PTPRT: variants seen among roughly 807,000 people sequenced by gnomAD.
PTPRT encodes receptor-type tyrosine-protein phosphatase T.
A neutral mutation model predicts 176.8 loss-of-function variants in PTPRT; 56 were observed. The ratio of observed to expected loss-of-function variants is 0.32; its 90% CI spans 0.26 to 0.40. PTPRT has a LOEUF of 0.40. PTPRT is among the 10% of genes least tolerant of loss of function. The pLI is 1.00. For missense variants in PTPRT, 1,540 were observed against 1,908.2 expected (o/e 0.81, Z 3.60); for synonymous variants, 783 against 739.0 (o/e 1.06, Z -0.96).
chr20:42,944,863 C>T (rs1980780008), intron 1 of PTPRT, among the ~76,000 whole-genome samples: 1 of 152,098 alleles, frequency 6.6e-6, no homozygotes, highest in African/African-American at 2.4e-5. Flanking sequence ...GGTATATATG[C>T]TTCATGAAGG....
In PTPRT at chr20:42,418,976, A is replaced by T. The variant is rs143144122; in HGVS notation, c.1560+29244T>A. ...GGAGAGAGATTTGTCTGTTTGGTCC[A>T]TCAGCGTATCCCAACTGCATAGAAC... On this transcript the variant is annotated intron_variant, in intron 9 of 30. Transcript: ENST00000373187. Among the ~76,000 whole-genome samples the T allele has an allele frequency of 5.3e-5, 8 of 152,358 alleles. No individual in the cohort carries two copies. The East Asian group carries it at 1.5e-3, about 29-fold the overall frequency.
rs531404437 is a variant in PTPRT at position 42,315,944 on chromosome 20, C to T, written c.1918G>A (p.Ala640Thr). 6.2e-7 allele frequency: 1 copy of T among 1,614,116 alleles called. No homozygotes were observed. Among genetic ancestry groups the T allele is most frequent in the Non-Finnish European group, 8.5e-7 (1 of 1,179,996 alleles). ...ACCGAAAAGCACTCAATAATGTCAG[C>T]TGCCCTCCGTGACTTCTGAAGTCGC... The part of the protein sequence containing the change: ...EERLQKSRRA[A>T]DIIECFSVPV... The change falls in exon 12 of 31, where the codon GCT becomes ACT. Residue 640 changes from alanine to threonine, a missense_variant. Around this residue, in one of 11 missense-constraint regions of PTPRT, gnomAD observed 81 missense variants for 89.9 expected, o/e 0.90. Transcript: ENST00000373187.
At chr20:42,336,534 G>T (rs73906910) in intron 11 of PTPRT, among the ~76,000 whole-genome samples, 3 of 152,114 alleles carry the variant, frequency 2.0e-5, no homozygotes, top group Non-Finnish European at 4.4e-5. Flanking sequence ...AATGAAAAAG[G>T]TTAATGTATA....
intron 11 of PTPRT, among the ~76,000 whole-genome samples, chr20:42,335,972 T>G (rs1049123296): frequency 2.6e-5 from 4 of 152,312 alleles, no homozygotes; most frequent in African/African-American, 9.6e-5. Flanking sequence ...TAGTTAACCT[T>G]TCAGTACTTC....
chr20:42,380,821 T>G (rs765582949), intron 9 of PTPRT, among the ~76,000 whole-genome samples: 2 of 152,188 alleles, frequency 1.3e-5, no homozygotes, highest in Non-Finnish European at 2.9e-5. Flanking sequence ...GTTTTTGCAT[T>G]GCTATAAAGA....
chr20:42,146,428 G>A (rs1003776385), intron 17 of PTPRT, among the ~76,000 whole-genome samples: 1 of 152,128 alleles, frequency 6.6e-6, no homozygotes, highest in African/African-American at 2.4e-5. Context: ...CATGTGCCAG[G>A]GTTTGGGTTA....
At chr20:42,910,965 A>T (rs2079536218) in intron 1 of PTPRT, among the ~76,000 whole-genome samples, 1 of 152,122 alleles carries the variant, frequency 6.6e-6, no homozygotes, top group South Asian at 2.1e-4. Context: ...AGTGCCGAGC[A>T]ATGAGGGGAA....
At chr20:42,336,591 A>G (rs1222411783) in intron 11 of PTPRT, among the ~76,000 whole-genome samples, 1 of 152,182 alleles carries the variant, frequency 6.6e-6, no homozygotes, top group Non-Finnish European at 1.5e-5. Context: ...CACTCAGTAC[A>G]CTGTAGTTCA....
chr20:42,851,440 A>G (rs1401792095), intron 2 of PTPRT, among the ~76,000 whole-genome samples: 2 of 152,068 alleles, frequency 1.3e-5, no homozygotes, highest in African/African-American at 4.8e-5. Context: ...TCCCTTTCCA[A>G]TCCAATTCTT....
intron 13 of PTPRT, among the ~76,000 whole-genome samples, chr20:42,271,834 A>G (rs1404878577): frequency 6.6e-6 from 1 of 152,230 alleles, no homozygotes; most frequent in Non-Finnish European, 1.5e-5. Context: ...AACTGCAGGA[A>G]GTTCTTATGC....
chr20:42,740,727 C>A (rs987966714), intron 6 of PTPRT, among the ~76,000 whole-genome samples: 1 of 152,148 alleles, frequency 6.6e-6, no homozygotes, highest in Non-Finnish European at 1.5e-5. Flanking sequence ...GCTGTGCAAA[C>A]AGGTCCTGAG....
At chr20:42,708,135 C>G (rs2076088856) in intron 6 of PTPRT, among the ~76,000 whole-genome samples, 1 of 152,112 alleles carries the variant, frequency 6.6e-6, no homozygotes. Flanking sequence ...AAATGGTACT[C>G]TCTTCTGATG....
At chr20:42,551,819 C>T (rs757694762) in intron 7 of PTPRT, among the ~76,000 whole-genome samples, 17 of 152,166 alleles carry the variant, frequency 1.1e-4, no homozygotes, top group Non-Finnish European at 2.2e-4. Context: ...ATACCCACAT[C>T]CTTGAGTACT....
At chr20:42,621,891 A>AGGCTGAGTGACG (rs1555887949) in intron 7 of PTPRT, among the ~76,000 whole-genome samples, 1 of 151,830 alleles carries the variant, frequency 6.6e-6, no homozygotes, top group East Asian at 1.9e-4. Flanking sequence ...TAATAGCAGT[A>AGGCTGAGTGACG]GGCTGAGTGA....
Position 43,189,629 on chromosome 20 carries a change from CG to C in PTPRT, c.88+16del. 8.0e-7 allele frequency: 1 copy of C among 1,244,424 alleles called. No homozygotes were observed. Among genetic ancestry groups the C allele is most frequent in the Non-Finnish European group, 1.0e-6 (1 of 993,934 alleles). The allele number at this position is 1,244,424 out of a possible 1,614,324, so 77.1% of individuals were successfully genotyped here. A position where few individuals can be genotyped will look rare whatever the true frequency, so the allele number is the denominator to read the frequency against. ...GAGGGAGCGGGGAGCCCAGGGGAGC[CG>C]GGCGGGCGCACTCACCTGCGGCGCT... On this transcript the variant is annotated intron_variant, in intron 1 of 30. Coordinates refer to ENST00000373187, the MANE Select transcript of PTPRT (RefSeq NM_007050.6). The surrounding 1 kb of genome is among the most constrained non-coding windows in gnomAD (Gnocchi z 5.0).
At chr20:42,175,153 A>T (rs1568643352) in intron 16 of PTPRT, among the ~76,000 whole-genome samples, 1 of 152,132 alleles carries the variant, frequency 6.6e-6, no homozygotes, top group East Asian at 1.9e-4. Context: ...AAAGCTGAGC[A>T]TGTCACCTCC....
At chr20:42,474,757 G>A (rs1407940794) in intron 7 of PTPRT, among the ~76,000 whole-genome samples, 2 of 152,248 alleles carry the variant, frequency 1.3e-5, no homozygotes, top group South Asian at 2.1e-4. Flanking sequence ...AGCAATAAAT[G>A]GCTTGCCTGG....
chr20:42,401,114 C>T (rs563608989), intron 9 of PTPRT, among the ~76,000 whole-genome samples: 1 of 147,598 alleles, frequency 6.8e-6, no homozygotes, highest in South Asian at 2.1e-4. Context: ...TTTGGAGTAA[C>T]TAAAAAATGT....
chr20:42,562,713 C>T (rs2072973000), intron 7 of PTPRT, among the ~76,000 whole-genome samples: 1 of 152,166 alleles, frequency 6.6e-6, no homozygotes, highest in East Asian at 1.9e-4. Flanking sequence ...TGAGGCTCAG[C>T]AGGTTCTACA....
Sources: gnomAD v4.1 joint callset for allele counts (sites outside exome capture counted in the v4.1 genomes callset) on GRCh38, gnomAD v4.1.1 for gene constraint, gnomAD v4.1.1 regional missense constraint, Gnocchi (gnomAD v3.1) non-coding constraint, MANE v1.5 for transcripts, NCBI Gene and HGNC (gene_info 2026-07-23, HGNC 2026-07-21) for gene names.